The following TMEM131 variants were observed in gnomAD, a reference collection of about 807,000 sequenced individuals.
The protein encoded by TMEM131 is transmembrane protein 131, also known as 2610524E03Rik.
Under a neutral mutation model 211.6 loss-of-function variants are expected in TMEM131, and 66 were observed. The ratio of observed to expected loss-of-function variants is 0.31; its 90% CI spans 0.26 to 0.38. The LOEUF (loss-of-function observed/expected upper bound fraction) is 0.38, where lower values mean the gene tolerates loss of function less well. Ranked by LOEUF, TMEM131 falls within the 10% of genes least tolerant of loss-of-function variation. The probability of loss-of-function intolerance (pLI) is 1.00; values close to 1 mark genes in which losing one functional copy is unlikely to be tolerated. For missense variants in TMEM131, 2,036 were observed against 2,299.3 expected (o/e 0.89, Z 2.34); for synonymous variants, 844 against 841.3 (o/e 1.00, Z -0.06).
At chr2:97,986,343 AGAGT>A (rs1680027506) in intron 1 of TMEM131, among the ~76,000 whole-genome samples, 1 of 152,200 alleles carries the variant, frequency 6.6e-6, no homozygotes, top group South Asian at 2.1e-4. Context: ...GGGCAGGAAA[AGAGT>A]GAGGAGAGGG....
At chr2:97,939,560 G>A (rs192727190) in intron 1 of TMEM131, among the ~76,000 whole-genome samples, 2 of 152,270 alleles carry the variant, frequency 1.3e-5, no homozygotes, top group East Asian at 3.9e-4. Context: ...AGAAGTCCAG[G>A]ACCAGACAGA....
rs994097641 is a variant in TMEM131, at chr2:97,995,913, G to A, written c.-251C>T. The A allele has an allele frequency of 6.1e-4, 131 of 213,326 alleles. 1 individual carries two copies. The highest frequency in any genetic ancestry group is 1.8e-3 in the Admixed American group (31 of 17,066). The allele number at this position is 213,326 out of a possible 1,614,324, so 13.2% of individuals were successfully genotyped here. On this transcript the variant is annotated 5_prime_UTR_variant, in exon 1 of 41. Transcript: ENST00000186436. The stretch of plus-strand genomic sequence containing the variant: ...GGAGAGGCCGCGGGTCAGGCGCGGC[G>A]GGCGGCCATACTGGAAACGGGCACG...
intron 25 of TMEM131, among the ~76,000 whole-genome samples, chr2:97,801,145 T>C (rs1573381514): frequency 6.6e-6 from 1 of 152,240 alleles, no homozygotes; most frequent in Non-Finnish European, 1.5e-5. Flanking sequence ...TAGCAATTCC[T>C]GATCAGCAGT....
At chr2:97,853,806 G>C (rs1272393750) in intron 5 of TMEM131, among the ~76,000 whole-genome samples, 2 of 152,098 alleles carry the variant, frequency 1.3e-5, no homozygotes, top group Non-Finnish European at 2.9e-5. Flanking sequence ...AGATGTGAAT[G>C]AATTTGTGCA....
chr2:97,822,635 T>C (rs1361926469), intron 11 of TMEM131, among the ~76,000 whole-genome samples: 1 of 152,118 alleles, frequency 6.6e-6, no homozygotes, highest in Admixed American at 6.6e-5. Flanking sequence ...CGAGAATGTG[T>C]TGGTAAGGGC....
intron 4 of TMEM131, among the ~76,000 whole-genome samples, chr2:97,862,466 T>C (rs1674108986): frequency 6.6e-6 from 1 of 151,740 alleles, no homozygotes; most frequent in Non-Finnish European, 1.5e-5. Context: ...TTTGAGGAAA[T>C]TCAAAGAAAT....
chr2:97,798,338 G>C (rs1394023787), intron 25 of TMEM131, among the ~76,000 whole-genome samples: 1 of 152,204 alleles, frequency 6.6e-6, no homozygotes, highest in Non-Finnish European at 1.5e-5. Flanking sequence ...GTCAACGCTT[G>C]GCTATAAACA....
At chr2:97,828,910 CCTT>C (rs1682523569) in intron 11 of TMEM131, among the ~76,000 whole-genome samples, 2 of 152,194 alleles carry the variant, frequency 1.3e-5, no homozygotes, top group African/African-American at 4.8e-5. Context: ...TTTTTAATCT[CCTT>C]GTCAAATTTG....
rs760432078 is a variant in TMEM131, at chr2:97,802,787, C to T, written c.2406G>A (p.Leu802=). 3 of 1,543,302 alleles carry T rather than the reference C, an allele frequency of 1.9e-6. No individual in the cohort carries two copies. Among genetic ancestry groups the T allele is most frequent in the East Asian group, 2.3e-5 (1 of 43,166 alleles). Residue 802 remains leucine, a synonymous_variant, in exon 23 of 41, where the codon TTG becomes TTA. Coordinates refer to ENST00000186436, the MANE Select transcript of TMEM131 (RefSeq NM_015348.2). ...CTGTATTTACTTCAAATATAGCACT[C>T]AATCTAGAAAAACAATTTGTAAGTC... ...TGIKENSGHR[L]SAIFEVNTDL... is the part of the protein sequence containing the mutation.
At chr2:97,851,300 C>T (rs1338379565) in intron 5 of TMEM131, among the ~76,000 whole-genome samples, 1 of 152,146 alleles carries the variant, frequency 6.6e-6, no homozygotes, top group Non-Finnish European at 1.5e-5. Context: ...GATTGTACCT[C>T]TGAAACCCGT....
chr2:97,806,994 T>A (rs1681336841), intron 19 of TMEM131, among the ~76,000 whole-genome samples: 1 of 152,150 alleles, frequency 6.6e-6, no homozygotes. Flanking sequence ...ACTTCCCTCG[T>A]GCCTTGTCTC....
chr2:97,758,525 G>C (rs1678633704), intron 40 of TMEM131, among the ~76,000 whole-genome samples: 1 of 152,242 alleles, frequency 6.6e-6, no homozygotes. Context: ...GCATTGCACA[G>C]ATGCCGAAGG....
intron 32 of TMEM131, among the ~76,000 whole-genome samples, chr2:97,773,143 A>G (rs1393864488): frequency 6.6e-6 from 1 of 152,204 alleles, no homozygotes; most frequent in Non-Finnish European, 1.5e-5. Context: ...CTCTCAGGAC[A>G]AGAGAGCAGT....
At chr2:97,953,442 AG>A (rs1218951988) in intron 1 of TMEM131, among the ~76,000 whole-genome samples, 6 of 152,272 alleles carry the variant, frequency 3.9e-5, no homozygotes, top group Non-Finnish European at 7.3e-5. Context: ...CTAGAGACAA[AG>A]ACATTACATA....
intron 5 of TMEM131, among the ~76,000 whole-genome samples, chr2:97,854,809 C>T (rs1673771137): frequency 6.6e-6 from 1 of 152,108 alleles, no homozygotes; most frequent in African/African-American, 2.4e-5. Flanking sequence ...GCTCTTCTTC[C>T]ATATATTTCA....
At chr2:97,823,022 G>A (rs534672294) in intron 11 of TMEM131, among the ~76,000 whole-genome samples, 4 of 152,276 alleles carry the variant, frequency 2.6e-5, no homozygotes, top group Admixed American at 2.0e-4. Context: ...GACCTTTTCT[G>A]TAAGAGGGAA....
In TMEM131 at chr2:97,766,098, A is replaced by C. The variant is rs1329599373; in HGVS notation, c.4723+16T>G. ...GGGTAAGTGGAGCCCTGTGGTTTCT[A>C]AACTACTATACTTACAGCTGCCAGG... On this transcript the variant is annotated intron_variant, in intron 35 of 40. Transcript: ENST00000186436. 1.2e-6 allele frequency: 2 copies of C among 1,613,150 alleles called. No individual in the cohort carries two copies. Among genetic ancestry groups the C allele is most frequent in the African/African-American group, 2.7e-5 (2 of 74,886 alleles).
chr2:97,772,486 T>C (rs1396254833), intron 32 of TMEM131, 62 bp from the exon 33 acceptor site: 2 of 1,533,990 alleles, frequency 1.3e-6, no homozygotes, highest in Non-Finnish European at 1.8e-6. Context: ...ATTAGTTCCA[T>C]TTTAAGATAC....
intron 31 of TMEM131, among the ~76,000 whole-genome samples, chr2:97,779,573 T>C (rs765545095): frequency 6.6e-6 from 1 of 152,234 alleles, no homozygotes; most frequent in Non-Finnish European, 1.5e-5. Context: ...AAGTGTCCCC[T>C]GTTGCCCCAG....
Sources: allele counts gnomAD v4.1 joint callset (sites outside exome capture counted in the v4.1 genomes callset), GRCh38; gene constraint gnomAD v4.1.1; transcripts MANE v1.5; gene names NCBI Gene and HGNC (gene_info 2026-07-23, HGNC 2026-07-21).